Variants in SEC14L5 observed in about 807,000 individuals in gnomAD.
SEC14L5 encodes SEC14-like protein 5.
SEC14L5 carries 96 observed loss-of-function variants against 84.6 expected under a neutral mutation model. The ratio of observed to expected loss-of-function variants is 1.13; its 90% CI spans 0.96 to 1.34. The LOEUF is 1.34. SEC14L5 is among the 40% of genes most tolerant of loss of function. The pLI is 0.00. For missense variants in SEC14L5, 1,224 were observed against 942.5 expected (o/e 1.30, Z -3.91); for synonymous variants, 546 against 383.4 (o/e 1.42, Z -4.95).
intron 2 of SEC14L5, among the ~76,000 whole-genome samples, chr16:4,979,418 C>T (rs574626416): frequency 7.2e-5 from 11 of 152,270 alleles, no homozygotes; most frequent in Admixed American, 2.6e-4. Context: ...CTGTCAAATG[C>T]GGAGGGTGAG....
chr16:4,985,411 A>C (rs1170329656), intron 2 of SEC14L5, among the ~76,000 whole-genome samples: 3 of 151,910 alleles, frequency 2.0e-5, no homozygotes, highest in African/African-American at 7.3e-5. Context: ...TATTTTTAGG[A>C]GAGACAGGGT....
intron 2 of SEC14L5, among the ~76,000 whole-genome samples, chr16:4,976,534 A>G (rs1340780052): frequency 6.6e-6 from 1 of 152,198 alleles, no homozygotes; most frequent in Admixed American, 6.5e-5. Context: ...GCACTTTACA[A>G]ATGAAAGAGG....
intron 8 of SEC14L5, 33 bp from the exon 9 acceptor site, chr16:5,000,622 G>A (rs1182924692): frequency 6.7e-7 from 1 of 1,500,700 alleles, no homozygotes; most frequent in South Asian, 1.2e-5. Flanking sequence ...CTAAATAACG[G>A]GCTCTTCTTT....
chr16:4,991,905 G>A lies in SEC14L5; in HGVS notation c.542G>A (p.Trp181Ter). 4 of 1,608,618 alleles carry A rather than the reference G, an allele frequency of 2.5e-6. No homozygotes were observed. In the South Asian group the frequency reaches 3.3e-5, roughly 13 times the overall value. Reference protein sequence around the residue: ...ISQGTSHIPRWTPAPVREEDA... With the variant: ...ISQGTSHIPR ...CAGGGTACCTCGCACATTCCGCGCTGGACGCCTGCCCCAGTCCGTGAGGAG... is the reference window on the plus strand; with the variant it reads ...CAGGGTACCTCGCACATTCCGCGCTAGACGCCTGCCCCAGTCCGTGAGGAG... The change falls in exon 6 of 16, where the codon TGG (tryptophan) becomes TAG (stop). Residue 181 changes from tryptophan (W) to a stop codon, truncating the protein, a stop_gained. Transcript: ENST00000251170. LOFTEE classifies it high-confidence loss of function.
chr16:5,010,073 T>A (rs956302119), intron 14 of SEC14L5, among the ~76,000 whole-genome samples: 5 of 151,458 alleles, frequency 3.3e-5, no homozygotes, highest in Admixed American at 3.3e-4. Context: ...CCGGGTGCGG[T>A]GGCTCATGCC....
intron 10 of SEC14L5, 90 bp from the exon 11 acceptor site, chr16:5,003,312 G>C (rs74005473): frequency 4.0e-6 from 4 of 997,150 alleles, no homozygotes; most frequent in East Asian, 2.4e-5. Context: ...CCTATCTCTC[G>C]GAGCCTCCCT....
intron 11 of SEC14L5, 29 bp downstream of exon 11, chr16:5,003,602 T>TGG: frequency 4.7e-6 from 1 of 212,976 alleles, no homozygotes; most frequent in Non-Finnish European, 8.3e-6. Flanking sequence ...GCCAGGACTC[T>TGG]CCCTGGGGGT....
chr16:4,984,977 G>T (rs1384736225), intron 2 of SEC14L5, among the ~76,000 whole-genome samples: 1 of 152,120 alleles, frequency 6.6e-6, no homozygotes, highest in African/African-American at 2.4e-5. Flanking sequence ...ATGTATGTAT[G>T]TATAATTTGC....
At position 4,993,955 on chromosome 16, in the gene SEC14L5, T is replaced by C. The variant is rs1296858254; in HGVS notation, c.667+1925T>C. On this transcript the variant is annotated intron_variant, in intron 6 of 15. Coordinates refer to ENST00000251170, the MANE Select transcript of SEC14L5 (RefSeq NM_014692.2). ...ATCAGGCATGATTTTTCATGTTTAG[T>C]GACTGTTTTCCTTTTTTTTTTTTTT... Among the ~76,000 whole-genome samples the C allele has an allele frequency of 1.7e-4, 23 of 135,526 alleles. No homozygotes were observed. The Admixed American group carries it at 1.7e-3, about 10-fold the overall frequency. The allele number at this position is 135,526 out of a possible 152,430, so 88.9% of individuals were successfully genotyped here. A position where few individuals can be genotyped will look rare whatever the true frequency, so the allele number is the denominator to read the frequency against.
At position 5,002,767 on chromosome 16, in the gene SEC14L5, G is replaced by A. The variant is rs75918312; in HGVS notation, c.1131-635G>A. On this transcript the variant is annotated intron_variant, in intron 10 of 15. Coordinates refer to ENST00000251170, the MANE Select transcript of SEC14L5 (RefSeq NM_014692.2). ...TGAAATGGAGGCACAGAGAGGTTCA[G>A]GACTTGACCAAGATCACACAGCAAG... Among the ~76,000 whole-genome samples, 1,351 of 152,314 alleles carry A rather than the reference G, an allele frequency of 8.9e-3. 23 individuals carry two copies. Among genetic ancestry groups the A allele is most frequent in the African/African-American group, 0.031 (1,283 of 41,556 alleles).
Position 5,018,295 on chromosome 16 carries a change from C to T in SEC14L5, c.*3325C>T, listed in dbSNP as rs1433125943. 3 of 152,216 alleles carry T rather than the reference C, an allele frequency of 2.0e-5. No individual in the cohort carries two copies. Among genetic ancestry groups the T allele is most frequent in the African/African-American group, 4.8e-5 (2 of 41,452 alleles). The allele number at this position is 152,216 out of a possible 1,614,324, so 9.4% of individuals were successfully genotyped here. ...CCTGAGGTCGCCTATCCCTGTTTTT[C>T]GTTATTGCACCCAGAGAAAAGTAGG... On this transcript the variant is annotated 3_prime_UTR_variant, in exon 16 of 16. Coordinates refer to ENST00000251170, the MANE Select transcript of SEC14L5 (RefSeq NM_014692.2).
chr16:4,960,817 C>T (rs1248353997), intron 2 of SEC14L5: 1 of 152,214 alleles, frequency 6.6e-6, no homozygotes, highest in Non-Finnish European at 1.5e-5. Flanking sequence ...CACTGAGATC[C>T]AGCTATGATC....
rs869061549 is a variant in SEC14L5 at position 4,967,562 on chromosome 16, G to GT, written c.63+8206dup. ...TCTGGCTCTGACTTTTCTTTCTTTC[G>GT]TTTTTTTTTTTTTTTTTTTTTTTTT... On this transcript the variant is annotated intron_variant, in intron 2 of 15. Transcript: ENST00000251170. Among the ~76,000 whole-genome samples, 50 of 37,114 alleles carry GT rather than the reference G, an allele frequency of 1.3e-3. 2 individuals carry two copies. Among genetic ancestry groups the GT allele is most frequent in the Non-Finnish European group, 2.0e-3 (36 of 18,308 alleles). 24.3% of individuals were successfully genotyped at this position (37,114 alleles called of 152,430 possible).
chr16:4,959,455 G>A (rs545061824), intron 2 of SEC14L5, 69 bp downstream of exon 2: 9 of 1,322,268 alleles, frequency 6.8e-6, no homozygotes, highest in East Asian at 2.3e-5. Context: ...TATGGCGGTA[G>A]GAAGACGGAG....
intron 11 of SEC14L5, 45 bp downstream of exon 11, chr16:5,003,618 G>GC: frequency 2.4e-6 from 1 of 414,172 alleles, no homozygotes; most frequent in Non-Finnish European, 4.6e-6. Context: ...GGGGTGGGTG[G>GC]GATGGGAGGG....
At chr16:4,996,322 C>T (rs1182390795) in intron 6 of SEC14L5, 26 bp from the exon 7 acceptor site, 1 of 1,368,496 alleles carries the variant, frequency 7.3e-7, no homozygotes, top group East Asian at 2.5e-5. Flanking sequence ...TCCCTCTTGT[C>T]CTGAAGCTCC....
At chr16:4,971,163 A>G (rs1955274091) in intron 2 of SEC14L5, among the ~76,000 whole-genome samples, 1 of 152,016 alleles carries the variant, frequency 6.6e-6, no homozygotes, top group Non-Finnish European at 1.5e-5. Context: ...CTTGTTAAAA[A>G]CAGGCAAAAC....
chr16:5,011,096 G>C lies in SEC14L5; in HGVS notation c.1802G>C (p.Gly601Ala). 1 of 1,596,394 alleles carries C rather than the reference G, an allele frequency of 6.3e-7. No homozygotes were observed. Among genetic ancestry groups the C allele is most frequent in the Non-Finnish European group, 8.5e-7 (1 of 1,171,900 alleles). The change falls in exon 15 of 16, where the codon GGC becomes GCC. Residue 601 changes from glycine to alanine, a missense_variant and splice_region_variant. Physicochemically the swap from Gly to Ala is moderately conservative, Grantham distance 60. Transcript: ENST00000251170. ...CAGGGCAGGGCTGATGTGTTTCAGG[G>C]CTCCCATGTGACCCGGTGGCCCGGC... ...LVCREGESIQ[G>A]SHVTRWPGVY...
At position 5,011,182 on chromosome 16, in the gene SEC14L5, G is replaced by A. The variant is rs747175243; in HGVS notation, c.1888G>A (p.Gly630Ser). The A allele has an allele frequency of 2.0e-5, 33 of 1,613,748 alleles. No individual in the cohort carries two copies. The highest frequency in any genetic ancestry group is 8.3e-5 in the Admixed American group (5 of 59,986). The stretch of plus-strand genomic sequence containing the variant: ...CAGCAGCGTGGCCTGCAGCCTCCCG[G>A]GTGTGGACGATGTCCTGACGGCTCT... ...PPSSVACSLP[G>S]VDDVLTALHS... The change falls in exon 15 of 16, where the codon GGT becomes AGT. Residue 630 changes from glycine (G) to serine (S), a missense_variant. Transcript: ENST00000251170.
Sources: gnomAD v4.1 joint callset for allele counts (sites outside exome capture counted in the v4.1 genomes callset) on GRCh38, gnomAD v4.1.1 for gene constraint, MANE v1.5 for transcripts, NCBI Gene and HGNC (gene_info 2026-07-23, HGNC 2026-07-21) for gene names.